Variants in PCDHGA1 observed in about 807,000 individuals in gnomAD.
PCDHGA1 encodes the protein protocadherin gamma-A1.
In PCDHGA1, 32 loss-of-function variants were observed where a neutral mutation model predicts 58.0. The observed-to-expected ratio is 0.55, with a 90% CI of 0.42 to 0.74. The LOEUF (loss-of-function observed/expected upper bound fraction) is 0.74, where lower values mean the gene tolerates loss of function less well. PCDHGA1 is among the 30% of genes least tolerant of loss of function. The pLI is 0.00. For synonymous variants in PCDHGA1, 498 were observed against 501.1 expected, an observed-to-expected ratio of 0.99 and a Z score of 0.08; for missense variants, 1,205 against 1,182.3, an observed-to-expected ratio of 1.02 and a Z score of -0.28.
intron 1 of PCDHGA1, chr5:141,389,125 C>T: frequency 6.2e-7 from 1 of 1,614,004 alleles, no homozygotes; most frequent in African/African-American, 1.3e-5. Flanking sequence ...GAGCAGAATC[C>T]AGAGTACAAT....
intron 1 of PCDHGA1, chr5:141,355,824 C>T (rs1359951583): frequency 1.9e-6 from 3 of 1,612,804 alleles, no homozygotes; most frequent in Non-Finnish European, 2.5e-6. Context: ...AGGCGGTTCA[C>T]CACCTCGTTC....
intron 1 of PCDHGA1, chr5:141,355,156 A>G: frequency 6.4e-7 from 1 of 1,554,072 alleles, no homozygotes; most frequent in Non-Finnish European, 8.7e-7. Context: ...TCAGGCCTCG[A>G]CAGAGGGAAA....
Position 141,330,873 on chromosome 5 carries a change from A to C in PCDHGA1, c.189A>C (p.Gly63=). 1 of 1,614,228 alleles carries C rather than the reference A, an allele frequency of 6.2e-7. No individual in the cohort carries two copies. The highest frequency in any genetic ancestry group is 8.5e-7 in the Non-Finnish European group (1 of 1,180,040). Residue 63 remains glycine (G), a synonymous_variant, in exon 1 of 4, where the codon GGA becomes GGC. Coordinates refer to ENST00000517417, the MANE Select transcript of PCDHGA1 (RefSeq NM_018912.3). ...AACCCCAGGAGCTGGCAGATGGCGG[A>C]GTCCGCATCGTCTCCAGAGGTAGGA... The part of the protein sequence containing the change: ...GLQPQELADG[G]VRIVSRGRMP...
At chr5:141,509,481 A>G (rs2099877035) in intron 3 of PCDHGA1, among the ~76,000 whole-genome samples, 1 of 152,010 alleles carries the variant, frequency 6.6e-6, no homozygotes, top group Admixed American at 6.6e-5. Flanking sequence ...TGAGGGGTAG[A>G]GGTGATGGCA....
intron 1 of PCDHGA1, chr5:141,409,175 G>T: frequency 6.2e-7 from 1 of 1,614,008 alleles, no homozygotes; most frequent in Non-Finnish European, 8.5e-7. Flanking sequence ...GAAGGACGGA[G>T]GTGGTCTCTC....
At position 141,398,516 on chromosome 5, in the gene PCDHGA1, C is replaced by G. The variant is rs779535322; in HGVS notation, c.2421+65411C>G. On this transcript the variant is annotated intron_variant, in intron 1 of 3. Coordinates refer to ENST00000517417, the MANE Select transcript of PCDHGA1 (RefSeq NM_018912.3). ...GAGATCGAGGACATTAATGACCACA[C>G]GCCAAAATTCACGCAAAATTCCTTT... is the stretch of plus-strand genomic sequence containing the variant. The G allele has an allele frequency of 4.4e-5, 70 of 1,598,584 alleles. No individual in the cohort carries two copies. The highest frequency in any genetic ancestry group is 4.3e-4 in the Admixed American group (25 of 58,660).
At chr5:141,356,331 A>G in intron 1 of PCDHGA1, 1 of 1,554,420 alleles carries the variant, frequency 6.4e-7, no homozygotes, top group African/African-American at 1.4e-5. Context: ...GTGACTCAGG[A>G]GGAAATGGCC....
At position 141,399,297 on chromosome 5, in the gene PCDHGA1, T is replaced by G. The variant is rs370898446; in HGVS notation, c.2421+66192T>G. On this transcript the variant is annotated intron_variant, in intron 1 of 3. Transcript: ENST00000517417. The stretch of plus-strand genomic sequence containing the variant: ...TACAAGGCGAAGTCCCTTTTAAGAT[T>G]ATCTCTTCATCCAAAAATTCGTATA... 14 of 1,613,948 alleles carry G rather than the reference T, an allele frequency of 8.7e-6. No individual in the cohort carries two copies. The East Asian group carries it at 2.9e-4, about 33-fold the overall frequency.
rs778589637 is a variant in PCDHGA1 at position 141,487,133 on chromosome 5, C to T, written c.2422-7674C>T. On this transcript the variant is annotated intron_variant, in intron 1 of 3. Coordinates refer to ENST00000517417, the MANE Select transcript of PCDHGA1 (RefSeq NM_018912.3). The surrounding 1 kb of genome is among the most constrained non-coding windows in gnomAD (Gnocchi z 5.0). ...TGTGGTAAAGGATAGTGGTAGTCCA[C>T]CACTCTCTACCTCTGTTACTCTCTT... 8.7e-6 allele frequency: 14 copies of T among 1,613,932 alleles called. No homozygotes were observed. In the South Asian group the frequency reaches 1.5e-4, roughly 18 times the overall value.
Position 141,511,029 on chromosome 5 carries a change from G to A in PCDHGA1, c.2652G>A (p.Leu884=), listed in dbSNP as rs1372346241. The part of the protein sequence containing the change: ...LSARYGPQFT[L]QHVPDYRQNV... ...CCCGCTACGGACCCCAGTTCACCCT[G>A]CAGCACGTGCCCGACTACCGCCAGA... The change falls in exon 4 of 4, where the codon CTG becomes CTA. Residue 884 remains leucine, a synonymous_variant. Transcript: ENST00000517417. 6.2e-7 allele frequency: 1 copy of A among 1,614,078 alleles called. No individual in the cohort carries two copies. Among genetic ancestry groups the A allele is most frequent in the Non-Finnish European group, 8.5e-7 (1 of 1,180,032 alleles).
chr5:141,339,396 T>C lies in PCDHGA1; in HGVS notation c.2421+6291T>C, dbSNP rs148517928. ...GGAGTAGAGGAACTGGAGCTAAAAA[T>C]CAGTGAAACCACTACGCCAGGATTC... On this transcript the variant is annotated intron_variant, in intron 1 of 3. Transcript: ENST00000517417. 2.5e-6 allele frequency: 4 copies of C among 1,614,076 alleles called. No individual in the cohort carries two copies. The highest frequency in any genetic ancestry group is 3.4e-6 in the Non-Finnish European group (4 of 1,180,026).
intron 1 of PCDHGA1, among the ~76,000 whole-genome samples, chr5:141,475,364 G>C (rs2099362607): frequency 6.6e-6 from 1 of 152,200 alleles, no homozygotes; most frequent in Admixed American, 6.5e-5. Flanking sequence ...AATAAAATCT[G>C]AATTGTACTT....
intron 1 of PCDHGA1, chr5:141,355,755 G>T (rs761483033): frequency 6.2e-7 from 1 of 1,613,924 alleles, no homozygotes; most frequent in African/African-American, 1.3e-5. Flanking sequence ...TGCAAAGTGG[G>T]GCCGATGGGA....
rs770524150 is a variant in PCDHGA1, at chr5:141,340,681, C to T, written c.2421+7576C>T. On this transcript the variant is annotated intron_variant, in intron 1 of 3. Transcript: ENST00000517417. ...TCCTGTACCCTGCCTTCCCCACAGA[C>T]GGTTCCACTGGCGTGGAGCTGGCGC... The T allele has an allele frequency of 9.3e-6, 15 of 1,614,124 alleles. No individual in the cohort carries two copies. In the South Asian group the frequency reaches 1.2e-4, roughly 13 times the overall value.
chr5:141,330,600 T>C lies in PCDHGA1; in HGVS notation c.-85T>C. ...GATGACTCTCCAGTCAGAATTCTCC[T>C]GAAAATTGGGTTAATTTCAGCTCAG... On this transcript the variant is annotated 5_prime_UTR_variant, in exon 1 of 4. The change abolishes the stop of an existing upstream ORF in the 5' untranslated region. Coordinates refer to ENST00000517417, the MANE Select transcript of PCDHGA1 (RefSeq NM_018912.3). 7.0e-7 allele frequency: 1 copy of C among 1,425,530 alleles called. No homozygotes were observed. The highest frequency in any genetic ancestry group is 9.5e-7 in the Non-Finnish European group (1 of 1,056,932). 88.3% of individuals were successfully genotyped at this position (1,425,530 alleles called of 1,614,324 possible).
chr5:141,359,162 C>T (rs1761135803), intron 1 of PCDHGA1, among the ~76,000 whole-genome samples: 1 of 152,100 alleles, frequency 6.6e-6, no homozygotes, highest in Non-Finnish European at 1.5e-5. Context: ...GATGCAGTTA[C>T]CTGGCTTGGG....
At chr5:141,453,586 C>T (rs1409763264) in intron 1 of PCDHGA1, among the ~76,000 whole-genome samples, 1 of 152,204 alleles carries the variant, frequency 6.6e-6, no homozygotes, top group Non-Finnish European at 1.5e-5. Context: ...GGTTTATCCT[C>T]ACTGTGTTTC....
intron 1 of PCDHGA1, among the ~76,000 whole-genome samples, chr5:141,434,259 G>A (rs1452016594): frequency 6.6e-6 from 1 of 152,230 alleles, no homozygotes; most frequent in Non-Finnish European, 1.5e-5. Flanking sequence ...CATTGTGGGG[G>A]AGGTGGAAAT....
At chr5:141,446,657 A>G (rs2098510367) in intron 1 of PCDHGA1, among the ~76,000 whole-genome samples, 1 of 152,092 alleles carries the variant, frequency 6.6e-6, no homozygotes, top group African/African-American at 2.4e-5. Context: ...TTGTATTTTT[A>G]GTACAAGACA....
Sources: gnomAD v4.1 joint callset for allele counts (sites outside exome capture counted in the v4.1 genomes callset) on GRCh38, gnomAD v4.1.1 for gene constraint, Gnocchi (gnomAD v3.1) non-coding constraint, MANE v1.5 for transcripts, NCBI Gene and HGNC (gene_info 2026-07-23, HGNC 2026-07-21) for gene names.